AKAP8: variants seen among roughly 807,000 people sequenced by gnomAD.
AKAP8 encodes A-kinase anchor protein 8.
A neutral mutation model predicts 67.5 loss-of-function variants in AKAP8; 24 were observed. That is an observed-to-expected ratio of 0.36 (90% CI 0.26 to 0.50). The LOEUF is 0.50. AKAP8 is among the 20% of genes least tolerant of loss of function. The pLI is 0.97. For missense variants in AKAP8, 971 were observed against 955.9 expected (o/e 1.02, Z -0.21); for synonymous variants, 400 against 371.1 (o/e 1.08, Z -0.90).
In AKAP8 at chr19:15,372,730, TA is replaced by T. The variant is rs1034573152; in HGVS notation, c.861+120del. 6.4e-5 allele frequency: 85 copies of T among 1,321,756 alleles called. No individual in the cohort carries two copies. In the African/African-American group the frequency reaches 1.2e-3, roughly 19 times the overall value. 81.9% of individuals were successfully genotyped at this position (1,321,756 alleles called of 1,614,324 possible). On this transcript the variant is annotated intron_variant, in intron 5 of 13. Coordinates refer to ENST00000269701, the MANE Select transcript of AKAP8 (RefSeq NM_005858.4). ...TGGTTGCACAATCCTGTAAATTAACTAAAAGTCGAACTGCGCACTTAAAAAC... is the reference window on the plus strand; with the variant it reads ...TGGTTGCACAATCCTGTAAATTAACTAAAGTCGAACTGCGCACTTAAAAAC...
At position 15,359,053 on chromosome 19, in the gene AKAP8, C is replaced by G. The variant is rs746067463; in HGVS notation, c.1537G>C (p.Glu513Gln). ...DHNHNRRLAA[E>Q]QFKKTSLHVA... ...TGGAGACTGGTTTTCTTGAACTGTTCAGCAGCCAACTGCAAAGGGAACCAA... is the reference window on the plus strand; with the variant it reads ...TGGAGACTGGTTTTCTTGAACTGTTGAGCAGCCAACTGCAAAGGGAACCAA... The change falls in exon 13 of 14, where the codon GAA becomes CAA. Residue 513 changes from glutamate to glutamine, a missense_variant. Physicochemically the swap from Glu to Gln is conservative, Grantham distance 29. Around this residue, in one of 3 missense-constraint regions of AKAP8, gnomAD observed 763 missense variants for 745.4 expected, o/e 1.02. Transcript: ENST00000269701. The G allele has an allele frequency of 8.1e-6, 13 of 1,614,012 alleles. No homozygotes were observed. The East Asian group carries it at 2.7e-4, about 33-fold the overall frequency.
At chr19:15,372,055 CCGCCCTCCCAAGCT>C in intron 6 of AKAP8, 57 bp from the exon 7 acceptor site, 2 of 1,612,312 alleles carry the variant, frequency 1.2e-6, no homozygotes, top group Admixed American at 3.3e-5. Flanking sequence ...CATCCGGTTT[CCGCCCTCCCAAGCT>C]CGCCATCCAG....
At chr19:15,366,881 T>C (rs1236100715) in intron 9 of AKAP8, among the ~76,000 whole-genome samples, 1 of 151,690 alleles carries the variant, frequency 6.6e-6, no homozygotes, top group Non-Finnish European at 1.5e-5. Flanking sequence ...AGTGGTGGGA[T>C]TACAGGCGTG....
Position 15,354,757 on chromosome 19 carries a change from G to T in AKAP8, c.*158C>A. On this transcript the variant is annotated 3_prime_UTR_variant, in exon 14 of 14. Coordinates refer to ENST00000269701, the MANE Select transcript of AKAP8 (RefSeq NM_005858.4). Reference sequence around the variant, plus strand: ...GCCACACGACTGCATGAGACAAGCCGTGAGAGGCACTGCTCAGGAGGAAAC... The same window carrying T: ...GCCACACGACTGCATGAGACAAGCCTTGAGAGGCACTGCTCAGGAGGAAAC... 1 of 786,292 alleles carries T rather than the reference G, an allele frequency of 1.3e-6. No homozygotes were observed. Among genetic ancestry groups the T allele is most frequent in the Non-Finnish European group, 2.0e-6 (1 of 502,096 alleles). 48.7% of individuals were successfully genotyped at this position (786,292 alleles called of 1,614,324 possible).
chr19:15,360,461 C>T (rs1292944319), intron 12 of AKAP8, among the ~76,000 whole-genome samples: 2 of 152,170 alleles, frequency 1.3e-5, no homozygotes, highest in African/African-American at 2.4e-5. Flanking sequence ...ACACTTGACC[C>T]CTGGGCTCAA....
At chr19:15,361,855 T>C (rs1966971919) in intron 10 of AKAP8, 33 bp from the exon 11 acceptor site, 2 of 1,586,748 alleles carry the variant, frequency 1.3e-6, no homozygotes, top group Non-Finnish European at 1.7e-6. Context: ...TAAAGTAAAA[T>C]GAGAGGTGGG....
chr19:15,360,630 A>G (rs1966949132), intron 12 of AKAP8, among the ~76,000 whole-genome samples: 1 of 152,242 alleles, frequency 6.6e-6, no homozygotes, highest in Non-Finnish European at 1.5e-5. Context: ...AAACACTATC[A>G]GGAGAATCTC....
chr19:15,368,285 T>C lies in AKAP8; in HGVS notation c.1110A>G (p.Arg370=), dbSNP rs756343813. The change falls in exon 9 of 14, where the codon AGA becomes AGG. Residue 370 remains arginine, a synonymous_variant. Coordinates refer to ENST00000269701, the MANE Select transcript of AKAP8 (RefSeq NM_005858.4). The stretch of plus-strand genomic sequence containing the variant: ...TGTCTCTTCTCCTTTGCTTTTCCCT[T>C]CTCTTCTTCACATCCTCGTCCTCGT... ...KEDEDEDVKK[R]REKQRRRDRT... 1 of 1,613,546 alleles carries C rather than the reference T, an allele frequency of 6.2e-7. No homozygotes were observed. The highest frequency in any genetic ancestry group is 1.3e-5 in the African/African-American group (1 of 74,916).
chr19:15,355,115 C>T lies in AKAP8; in HGVS notation c.1879G>A (p.Glu627Lys), dbSNP rs2048268811. Residue 627 changes from glutamate to lysine, a missense_variant, in exon 14 of 14, where the codon GAG (glutamate) becomes AAG (lysine). Physicochemically the swap from Glu to Lys is moderately conservative, Grantham distance 56. Transcript: ENST00000269701. ...SDPQAEQLLE[E>K]QVPCGTAHEK... ...TGTGCCGTTCCACAGGGCACCTGCTCTTCCAGCAGCTGTTCGGCTTGAGGA... is the reference window on the plus strand; with the variant it reads ...TGTGCCGTTCCACAGGGCACCTGCTTTTCCAGCAGCTGTTCGGCTTGAGGA... 1 of 1,613,796 alleles carries T rather than the reference C, an allele frequency of 6.2e-7. No individual in the cohort carries two copies. Among genetic ancestry groups the T allele is most frequent in the Non-Finnish European group, 8.5e-7 (1 of 1,180,040 alleles).
At chr19:15,372,156 G>GC (rs1967169288) in intron 6 of AKAP8, 62 bp downstream of exon 6, 2 of 1,608,892 alleles carry the variant, frequency 1.2e-6, no homozygotes, top group Admixed American at 1.7e-5. Flanking sequence ...GGCAAGCAGA[G>GC]CCCCCAGCAG....
chr19:15,377,086 A>G (rs955941568), intron 1 of AKAP8, 72 bp from the exon 2 acceptor site: 26 of 1,529,150 alleles, frequency 1.7e-5, no homozygotes, highest in Non-Finnish European at 2.2e-5. Context: ...GGGTACTCCT[A>G]AAGGGATCTC....
rs1270262759 is a variant in AKAP8, at chr19:15,368,594, C to A, written c.1073-272G>T. 3.0e-6 allele frequency: 3 copies of A among 985,178 alleles called. No individual in the cohort carries two copies. The Admixed American group carries it at 1.8e-4, about 61-fold the overall frequency. The allele number at this position is 985,178 out of a possible 1,614,324, so 61.0% of individuals were successfully genotyped here. ...ACACAGCCTGCCCACCCCATGTGCA[C>A]CACAGCCCCCTGCTCCCTCTGTCCT... On this transcript the variant is annotated intron_variant, in intron 8 of 13. Transcript: ENST00000269701.
intron 8 of AKAP8, 111 bp from the exon 9 acceptor site, chr19:15,368,433 T>A: frequency 6.3e-7 from 1 of 1,585,260 alleles, no homozygotes; most frequent in East Asian, 2.2e-5. Context: ...GCCCTGCCAC[T>A]GCCTGCACCA....
chr19:15,376,211 C>T (rs915828118), intron 2 of AKAP8, among the ~76,000 whole-genome samples: 2 of 152,158 alleles, frequency 1.3e-5, no homozygotes, highest in South Asian at 2.1e-4. Flanking sequence ...TGTGCTGCCT[C>T]GCCCAGCTAA....
intron 4 of AKAP8, 114 bp downstream of exon 4, chr19:15,373,672 C>T (rs1967201981): frequency 1.5e-6 from 2 of 1,319,314 alleles, no homozygotes; most frequent in Non-Finnish European, 2.0e-6. Context: ...TCGTCAATGC[C>T]ACACCCAAGA....
intron 9 of AKAP8, among the ~76,000 whole-genome samples, chr19:15,366,063 A>C (rs1967062303): frequency 7.0e-6 from 1 of 142,414 alleles, no homozygotes; most frequent in Non-Finnish European, 1.5e-5. Flanking sequence ...ATCCTCAGTC[A>C]CTAGCGCACA....
chr19:15,371,932 G>A lies in AKAP8; in HGVS notation c.1038+20C>T. 1 of 1,613,582 alleles carries A rather than the reference G, an allele frequency of 6.2e-7. No individual in the cohort carries two copies. Among genetic ancestry groups the A allele is most frequent in the Non-Finnish European group, 8.5e-7 (1 of 1,179,736 alleles). On this transcript the variant is annotated intron_variant, in intron 7 of 13. Transcript: ENST00000269701. ...AAGAAATCCCACACTAGAGGCAAAA[G>A]GGCTGCCTGGTGGACTTACACCCTT...
chr19:15,373,607 T>C, intron 4 of AKAP8, 179 bp downstream of exon 4: 3 of 952,560 alleles, frequency 3.1e-6, no homozygotes, highest in Admixed American at 5.9e-5. Flanking sequence ...AGCCCCGCCA[T>C]GAAGAAAAGC....
rs1967169773 is a variant in AKAP8 at position 15,372,197 on chromosome 19, C to T, written c.991+21G>A. On this transcript the variant is annotated intron_variant, in intron 6 of 13. Transcript: ENST00000269701. ...CGACCCATCCTACATCTGTCTGGCC[C>T]ACCTGGCCCCCAGGACATACCATTT... 5 of 1,613,558 alleles carry T rather than the reference C, an allele frequency of 3.1e-6. No homozygotes were observed. In the East Asian group the frequency reaches 8.9e-5, roughly 29 times the overall value.
Sources: allele counts gnomAD v4.1 joint callset (sites outside exome capture counted in the v4.1 genomes callset), GRCh38; gene constraint gnomAD v4.1.1; regional missense constraint gnomAD v4.1.1; transcripts MANE v1.5; gene names NCBI Gene and HGNC (gene_info 2026-07-23, HGNC 2026-07-21).